The following L3MBTL4 variants were observed in gnomAD, a reference collection of about 807,000 sequenced individuals.
L3MBTL4 encodes the protein L3MBTL histone methyl-lysine binding protein 4.
L3MBTL4 carries 70 observed loss-of-function variants against 84.5 expected under a neutral mutation model. The ratio of observed to expected loss-of-function variants is 0.83; its 90% CI spans 0.68 to 1.01. The LOEUF (loss-of-function observed/expected upper bound fraction) is 1.01, where lower values mean the gene tolerates loss of function less well. Among genes scored for constraint, L3MBTL4 ranks in the 50% least tolerant of loss-of-function variants. The pLI is 0.00. For synonymous variants in L3MBTL4, 274 were observed against 259.8 expected, an observed-to-expected ratio of 1.05 and a Z score of -0.52; for missense variants, 715 against 754.8, an observed-to-expected ratio of 0.95 and a Z score of 0.62.
At chr18:6,346,656 A>G (rs2052920065) in intron 1 of L3MBTL4, among the ~76,000 whole-genome samples, 1 of 152,118 alleles carries the variant, frequency 6.6e-6, no homozygotes, top group African/African-American at 2.4e-5. Context: ...ATCACTTCAC[A>G]CTGTCAGGAT....
At chr18:6,392,976 T>C (rs1427020344) in intron 1 of L3MBTL4, among the ~76,000 whole-genome samples, 2 of 152,092 alleles carry the variant, frequency 1.3e-5, no homozygotes, top group Admixed American at 6.6e-5. Flanking sequence ...TCAGATACAA[T>C]GTATACTATT....
intron 13 of L3MBTL4, among the ~76,000 whole-genome samples, chr18:6,165,015 C>A (rs544483121): frequency 6.6e-6 from 1 of 152,266 alleles, no homozygotes; most frequent in African/African-American, 2.4e-5. Context: ...AACCATGGCA[C>A]AAGAACTACG....
intron 3 of L3MBTL4, among the ~76,000 whole-genome samples, chr18:6,306,158 G>C (rs2146886536): frequency 6.6e-6 from 1 of 152,312 alleles, no homozygotes; most frequent in East Asian, 1.9e-4. Flanking sequence ...TCACCTGCTA[G>C]TTCAAGTCCA....
At chr18:6,274,810 T>C (rs1323949981) in intron 4 of L3MBTL4, among the ~76,000 whole-genome samples, 1 of 152,184 alleles carries the variant, frequency 6.6e-6, no homozygotes, top group Non-Finnish European at 1.5e-5. Flanking sequence ...CGATTTGAGA[T>C]AGCTCTCCCT....
chr18:6,215,008 A>AT (rs2046265196), intron 11 of L3MBTL4, among the ~76,000 whole-genome samples: 1 of 152,092 alleles, frequency 6.6e-6, no homozygotes, highest in African/African-American at 2.4e-5. Flanking sequence ...ATTATAATCA[A>AT]TTTTTTCAAA....
At chr18:6,287,594 T>C (rs1011827635) in intron 4 of L3MBTL4, among the ~76,000 whole-genome samples, 2 of 152,152 alleles carry the variant, frequency 1.3e-5, no homozygotes, top group Non-Finnish European at 2.9e-5. Flanking sequence ...GAAACTCCCA[T>C]GTAAATAACA....
chr18:6,409,306 A>G (rs1037051617), intron 1 of L3MBTL4, among the ~76,000 whole-genome samples: 1 of 152,238 alleles, frequency 6.6e-6, no homozygotes. Context: ...TCATAACAAT[A>G]ATAAGGACCA....
intron 14 of L3MBTL4, among the ~76,000 whole-genome samples, chr18:6,132,589 A>G (rs2059907222): frequency 1.3e-5 from 2 of 152,184 alleles, no homozygotes; most frequent in Non-Finnish European, 2.9e-5. Flanking sequence ...AGCTTCATAT[A>G]ATGCTTTTCT....
intron 12 of L3MBTL4, among the ~76,000 whole-genome samples, chr18:6,206,576 C>T (rs2045885680): frequency 1.3e-5 from 2 of 152,120 alleles, no homozygotes; most frequent in Non-Finnish European, 2.9e-5. Flanking sequence ...CTGCTCGGCC[C>T]GTGTTTCCGT....
intron 13 of L3MBTL4, among the ~76,000 whole-genome samples, chr18:6,148,430 GT>G (rs1040109297): frequency 6.6e-6 from 1 of 151,952 alleles, no homozygotes; most frequent in African/African-American, 2.4e-5. Context: ...ATAAGATTTT[GT>G]TTTTTCTTTT....
intron 12 of L3MBTL4, among the ~76,000 whole-genome samples, chr18:6,185,215 CAGAGGGA>C (rs2044665153): frequency 1.3e-5 from 2 of 152,170 alleles, no homozygotes; most frequent in Admixed American, 6.5e-5. Context: ...CATAAACAAA[CAGAGGGA>C]AGGCGGAGCC....
chr18:6,174,980 G>A (rs940769653), intron 12 of L3MBTL4, among the ~76,000 whole-genome samples: 1 of 151,872 alleles, frequency 6.6e-6, no homozygotes, highest in African/African-American at 2.4e-5. Context: ...CAGAGAGAAT[G>A]GAGCAGGAAT....
chr18:6,400,708 G>A (rs1171660160), intron 1 of L3MBTL4, among the ~76,000 whole-genome samples: 3 of 152,072 alleles, frequency 2.0e-5, no homozygotes, highest in South Asian at 2.1e-4. Context: ...CACCACACCC[G>A]GCACAGGATT....
At chr18:6,307,934 G>A (rs1484307466) in intron 3 of L3MBTL4, among the ~76,000 whole-genome samples, 1 of 151,946 alleles carries the variant, frequency 6.6e-6, no homozygotes, top group Non-Finnish European at 1.5e-5. Flanking sequence ...CTTGCATTTT[G>A]ATGTAGGAAA....
At chr18:6,360,751 A>G (rs2053653952) in intron 1 of L3MBTL4, among the ~76,000 whole-genome samples, 1 of 152,164 alleles carries the variant, frequency 6.6e-6, no homozygotes, top group African/African-American at 2.4e-5. Flanking sequence ...ACACTTTGAG[A>G]GGACAAGGCA....
intron 12 of L3MBTL4, among the ~76,000 whole-genome samples, chr18:6,186,899 C>A (rs184894179): frequency 6.6e-6 from 1 of 152,062 alleles, no homozygotes; most frequent in African/African-American, 2.4e-5. Context: ...GACAAGCAAT[C>A]GAGAGGGCTA....
chr18:6,336,216 A>T (rs1568512800), intron 1 of L3MBTL4, among the ~76,000 whole-genome samples: 1 of 151,778 alleles, frequency 6.6e-6, no homozygotes, highest in Non-Finnish European at 1.5e-5. Context: ...CTATGAAAGA[A>T]ATAAGAACTA....
rs540827284 is a variant in L3MBTL4, at chr18:6,329,945, T to C, written c.-90-17889A>G. 5.9e-5 allele frequency among the ~76,000 whole-genome samples: 9 copies of C among 152,334 alleles called. No individual in the cohort carries two copies. The South Asian group carries it at 1.9e-3, about 32-fold the overall frequency. ...ATAGTTTTCTGTGTCTCATTTCTTTTACTAACATAATGTTTGTGACACCCA... is the reference window on the plus strand; with the variant it reads ...ATAGTTTTCTGTGTCTCATTTCTTTCACTAACATAATGTTTGTGACACCCA... On this transcript the variant is annotated intron_variant, in intron 1 of 18. Coordinates refer to ENST00000317931, the MANE Select transcript of L3MBTL4 (RefSeq NM_001330559.2).
At chr18:6,220,168 A>T (rs2046490832) in intron 10 of L3MBTL4, among the ~76,000 whole-genome samples, 1 of 152,224 alleles carries the variant, frequency 6.6e-6, no homozygotes, top group Non-Finnish European at 1.5e-5. Flanking sequence ...TATGGAAGCA[A>T]AAAAGGAAAC....
Sources: allele counts gnomAD v4.1 joint callset (sites outside exome capture counted in the v4.1 genomes callset), GRCh38; gene constraint gnomAD v4.1.1; transcripts MANE v1.5; gene names NCBI Gene and HGNC (gene_info 2026-07-23, HGNC 2026-07-21).